Variants in POU6F2 observed in about 807,000 individuals in gnomAD.
POU6F2 encodes the protein POU domain, class 6, transcription factor 2.
POU6F2 carries 31 observed loss-of-function variants against 71.3 expected under a neutral mutation model. The ratio of observed to expected loss-of-function variants is 0.43; its 90% confidence interval spans 0.33 to 0.59. The LOEUF (loss-of-function observed/expected upper bound fraction) is 0.59. Ranked by LOEUF, POU6F2 falls within the 20% of genes least tolerant of loss-of-function variation. The pLI is 0.04. For missense variants in POU6F2, 783 were observed against 856.8 expected (o/e 0.91, Z 1.07); for synonymous variants, 347 against 355.7 (o/e 0.98, Z 0.27).
chr7:39,002,866 T>A (rs895812269), intron 1 of POU6F2, among the ~76,000 whole-genome samples: 22 of 152,246 alleles, frequency 1.4e-4, no homozygotes, highest in African/African-American at 5.3e-4. Context: ...CAAAATGTCC[T>A]CTGCATAGAA....
chr7:39,217,436 G>C (rs1247790297), intron 4 of POU6F2, among the ~76,000 whole-genome samples: 3 of 152,100 alleles, frequency 2.0e-5, no homozygotes, highest in Non-Finnish European at 2.9e-5. Context: ...ATTTAATTTT[G>C]TGCTATTCTA....
chr7:39,368,772 A>G (rs2115742810), intron 5 of POU6F2, among the ~76,000 whole-genome samples: 1 of 152,324 alleles, frequency 6.6e-6, no homozygotes, highest in Middle Eastern at 3.4e-3. Flanking sequence ...CTTAAGAATG[A>G]TGCTAAATCA....
At position 39,174,429 on chromosome 7, in the gene POU6F2, ATAAT is replaced by A. The variant is rs199960323; in HGVS notation, c.278-29803_278-29800del. Among the ~76,000 whole-genome samples, 343 of 152,312 alleles carry A rather than the reference ATAAT, an allele frequency of 2.3e-3. 1 individual carries two copies. Among genetic ancestry groups the A allele is most frequent in the African/African-American group, 7.7e-3 (321 of 41,562 alleles). On this transcript the variant is annotated intron_variant, in intron 2 of 9. Transcript: ENST00000518318. ...ATCAGGACTGTTCTTAAGGGTGACT[ATAAT>A]TAGAGAACAGCCATCTATACCTGAT...
intron 1 of POU6F2, among the ~76,000 whole-genome samples, chr7:39,052,117 C>T (rs1260289710): frequency 6.6e-6 from 1 of 152,106 alleles, no homozygotes; most frequent in Non-Finnish European, 1.5e-5. Flanking sequence ...CTTGGAACAA[C>T]AGCAGAGAAT....
intron 1 of POU6F2, among the ~76,000 whole-genome samples, chr7:39,048,513 G>T (rs1013672454): frequency 2.0e-5 from 3 of 151,890 alleles, no homozygotes; most frequent in Admixed American, 6.6e-5. Flanking sequence ...CAATGGACAT[G>T]ATCTCATTCT....
At chr7:39,041,987 CAG>C (rs1053976205) in intron 1 of POU6F2, among the ~76,000 whole-genome samples, 20 of 152,004 alleles carry the variant, frequency 1.3e-4, no homozygotes, top group Middle Eastern at 3.4e-3. Flanking sequence ...ACGTTATGGT[CAG>C]AGTGTTGAAA....
intron 5 of POU6F2, among the ~76,000 whole-genome samples, chr7:39,375,524 C>T (rs911312294): frequency 1.3e-5 from 2 of 152,122 alleles, no homozygotes; most frequent in Non-Finnish European, 2.9e-5. Context: ...CCATGCAGTC[C>T]TCTTTTGCGG....
chr7:39,299,628 GA>G (rs1784916638), intron 4 of POU6F2, among the ~76,000 whole-genome samples: 1 of 152,118 alleles, frequency 6.6e-6, no homozygotes, highest in Non-Finnish European at 1.5e-5. Context: ...ATTGAATGTT[GA>G]AATCTAAAAA....
intron 2 of POU6F2, among the ~76,000 whole-genome samples, chr7:39,105,317 G>A (rs1252489914): frequency 6.6e-6 from 1 of 152,100 alleles, no homozygotes. Flanking sequence ...ACAAGTTGGT[G>A]TGTTTGAAGA....
intron 4 of POU6F2, among the ~76,000 whole-genome samples, chr7:39,323,222 C>G (rs1468094835): frequency 6.6e-6 from 1 of 152,078 alleles, no homozygotes; most frequent in East Asian, 1.9e-4. Flanking sequence ...AACAGGATGT[C>G]CCCTCATAGA....
chr7:39,252,373 C>T (rs982607946), intron 4 of POU6F2, among the ~76,000 whole-genome samples: 3 of 140,346 alleles, frequency 2.1e-5, no homozygotes, highest in African/African-American at 2.7e-5. Flanking sequence ...ACCACACAAA[C>T]ACACACACAT....
At chr7:39,392,012 G>A (rs1429282545) in intron 5 of POU6F2, among the ~76,000 whole-genome samples, 2 of 152,146 alleles carry the variant, frequency 1.3e-5, no homozygotes, top group Non-Finnish European at 2.9e-5. Context: ...CAGCCCAGTT[G>A]TTTTAGAAAC....
intron 1 of POU6F2, among the ~76,000 whole-genome samples, chr7:39,032,722 A>G (rs1789973047): frequency 6.6e-6 from 1 of 152,198 alleles, no homozygotes; most frequent in African/African-American, 2.4e-5. Context: ...GCATGCTCTG[A>G]GGCCCCTGAA....
At chr7:39,408,873 C>A (rs1277730948) in intron 6 of POU6F2, among the ~76,000 whole-genome samples, 2 of 152,158 alleles carry the variant, frequency 1.3e-5, no homozygotes, top group East Asian at 3.9e-4. Flanking sequence ...ACCCGGTTAT[C>A]TTCCCAGGAA....
At chr7:39,025,752 A>C (rs1263715787) in intron 1 of POU6F2, among the ~76,000 whole-genome samples, 1 of 150,390 alleles carries the variant, frequency 6.6e-6, no homozygotes, top group African/African-American at 2.4e-5. Context: ...GACAAATCGG[A>C]TCTAATTAAA....
intron 1 of POU6F2, among the ~76,000 whole-genome samples, chr7:39,071,457 G>A (rs945038295): frequency 2.0e-5 from 3 of 151,978 alleles, no homozygotes; most frequent in African/African-American, 7.2e-5. Context: ...TGGCCCAAGG[G>A]TTGGGGACCC....
chr7:39,387,508 T>A (rs762776592), intron 5 of POU6F2, among the ~76,000 whole-genome samples: 1 of 152,178 alleles, frequency 6.6e-6, no homozygotes, highest in Non-Finnish European at 1.5e-5. Context: ...AATACACTAG[T>A]TTTTCCCTTT....
chr7:39,402,329 T>C (rs1444740902), intron 5 of POU6F2, among the ~76,000 whole-genome samples: 1 of 152,204 alleles, frequency 6.6e-6, no homozygotes, highest in Non-Finnish European at 1.5e-5. Flanking sequence ...ATGGATTTAT[T>C]CTCATTATGA....
At chr7:39,200,249 C>T (rs2128744751) in intron 2 of POU6F2, among the ~76,000 whole-genome samples, 1 of 152,298 alleles carries the variant, frequency 6.6e-6, no homozygotes, top group Non-Finnish European at 1.5e-5. Flanking sequence ...CTGTGGTCTT[C>T]AGTCACAGGT....
Sources: gnomAD v4.1 joint callset for allele counts (sites outside exome capture counted in the v4.1 genomes callset) on GRCh38, gnomAD v4.1.1 for gene constraint, MANE v1.5 for transcripts, NCBI Gene and HGNC (gene_info 2026-07-23, HGNC 2026-07-21) for gene names.